Variants in ZC3H7A observed in about 807,000 individuals in gnomAD.
ZC3H7A encodes zinc finger CCCH-type containing 7A.
In ZC3H7A, 44 loss-of-function variants were observed where a neutral mutation model predicts 125.5. That is an observed-to-expected ratio of 0.35 (90% CI 0.28 to 0.45). ZC3H7A has a LOEUF of 0.45. Among genes scored for constraint, ZC3H7A ranks in the 20% least tolerant of loss-of-function variants. ZC3H7A has a pLI of 1.00. For missense variants in ZC3H7A, 977 were observed against 1,170.7 expected, an observed-to-expected ratio of 0.83 and a Z score of 2.41; for synonymous variants, 399 against 391.2, an observed-to-expected ratio of 1.02 and a Z score of -0.23.
At chr16:11,753,504 C>T (rs531254553) in intron 21 of ZC3H7A, among the ~76,000 whole-genome samples, 1 of 152,028 alleles carries the variant, frequency 6.6e-6, no homozygotes, top group Non-Finnish European at 1.5e-5. Flanking sequence ...TATGGTGGTG[C>T]GATCATAGCT....
At position 11,755,497 on chromosome 16, in the gene ZC3H7A, T is replaced by C. The variant is rs147976549; in HGVS notation, c.2562+740A>G. Among the ~76,000 whole-genome samples, 1,520 of 152,190 alleles carry C rather than the reference T, an allele frequency of 1.0e-2. 11 individuals are homozygous for C. Among genetic ancestry groups the C allele is most frequent in the Non-Finnish European group, 0.017 (1,147 of 68,000 alleles). Reference sequence around the variant, plus strand: ...GGTAACTTAATGTCCCCAAGAACCATAGAGGGAGAGGCCAGACTGCAGGCG... The same window carrying C: ...GGTAACTTAATGTCCCCAAGAACCACAGAGGGAGAGGCCAGACTGCAGGCG... On this transcript the variant is annotated intron_variant, in intron 21 of 22. Coordinates refer to ENST00000355758, the MANE Select transcript of ZC3H7A (RefSeq NM_014153.4).
rs1053571278 is a variant in ZC3H7A, at chr16:11,797,250, G to A, written c.-161C>T. On this transcript the variant is annotated 5_prime_UTR_variant, in exon 1 of 23. Coordinates refer to ENST00000355758, the MANE Select transcript of ZC3H7A (RefSeq NM_014153.4). ...TCGCAGCTCTCCCTCGGTTAGCGGC[G>A]GCGGCAGCGGCTCGGTTGCGCCCGC... 1.3e-5 allele frequency: 2 copies of A among 151,058 alleles called. No individual in the cohort carries two copies. Among genetic ancestry groups the A allele is most frequent in the African/African-American group, 2.4e-5 (1 of 41,230 alleles). The allele number at this position is 151,058 out of a possible 1,614,324, so 9.4% of individuals were successfully genotyped here. A position where few individuals can be genotyped will look rare whatever the true frequency, so the allele number is the denominator to read the frequency against.
chr16:11,789,316 T>G (rs2053312546), intron 1 of ZC3H7A, among the ~76,000 whole-genome samples: 1 of 152,018 alleles, frequency 6.6e-6, no homozygotes, highest in Admixed American at 6.6e-5. Context: ...CAGGCTGGAG[T>G]GCAATGGCAC....
Position 11,797,194 on chromosome 16 carries a change from G to A in ZC3H7A, c.-105C>T, listed in dbSNP as rs1360447246. On this transcript the variant is annotated 5_prime_UTR_variant, in exon 1 of 23. Coordinates refer to ENST00000355758, the MANE Select transcript of ZC3H7A (RefSeq NM_014153.4). ...GGGCGGCGGCAGGCGGGCAGCGGTG[G>A]CGGCGGCGGCGGCGGGGCCTGGGTG... 1 of 154,012 alleles carries A rather than the reference G, an allele frequency of 6.5e-6. No homozygotes were observed. Among genetic ancestry groups the A allele is most frequent in the Non-Finnish European group, 1.4e-5 (1 of 71,032 alleles). The allele number at this position is 154,012 out of a possible 1,614,324, so 9.5% of individuals were successfully genotyped here.
At chr16:11,784,250 G>A (rs1327131007) in intron 1 of ZC3H7A, among the ~76,000 whole-genome samples, 1 of 152,112 alleles carries the variant, frequency 6.6e-6, no homozygotes, top group Non-Finnish European at 1.5e-5. Context: ...AGCTGGATGA[G>A]GGGCATGGAA....
chr16:11,760,715 G>A (rs2052739394), intron 19 of ZC3H7A, among the ~76,000 whole-genome samples: 1 of 152,176 alleles, frequency 6.6e-6, no homozygotes. Flanking sequence ...CGTGTGAAGT[G>A]CCTCTAGATG....
At chr16:11,795,615 T>C (rs2053424724) in intron 1 of ZC3H7A, among the ~76,000 whole-genome samples, 1 of 152,060 alleles carries the variant, frequency 6.6e-6, no homozygotes, top group Admixed American at 6.6e-5. Context: ...TTTGTATTTT[T>C]ACTAGAGACG....
chr16:11,763,075 T>G, intron 16 of ZC3H7A: 1 of 279,204 alleles, frequency 3.6e-6, no homozygotes, highest in Admixed American at 4.9e-5. Flanking sequence ...TCACCACATC[T>G]GGTTGATGGA....
chr16:11,775,045 A>AT, intron 7 of ZC3H7A, 32 bp from the exon 8 acceptor site: 11 of 1,611,936 alleles, frequency 6.8e-6, no homozygotes, highest in Non-Finnish European at 9.3e-6. Context: ...GGGTTATAAT[A>AT]TTTTCAGGAC....
intron 9 of ZC3H7A, among the ~76,000 whole-genome samples, chr16:11,773,955 C>T (rs976332741): frequency 4.6e-5 from 7 of 151,844 alleles, no homozygotes; most frequent in Admixed American, 6.6e-5. Flanking sequence ...AAATATCAAA[C>T]GCCTATTTTT....
chr16:11,778,350 T>A (rs897430024), intron 4 of ZC3H7A, among the ~76,000 whole-genome samples: 1 of 146,812 alleles, frequency 6.8e-6, no homozygotes, highest in Non-Finnish European at 1.5e-5. Context: ...GGCAGGAAAA[T>A]TGCTTGAACC....
chr16:11,761,546 A>C, intron 18 of ZC3H7A, 35 bp from the exon 19 acceptor site: 1 of 1,608,290 alleles, frequency 6.2e-7, no homozygotes, highest in Non-Finnish European at 8.5e-7. Context: ...AAACAAAGAC[A>C]CACGAGCAAA....
At chr16:11,785,167 T>C (rs1182077361) in intron 1 of ZC3H7A, among the ~76,000 whole-genome samples, 1 of 150,128 alleles carries the variant, frequency 6.7e-6, no homozygotes, top group Non-Finnish European at 1.5e-5. Flanking sequence ...TCAAAATAAA[T>C]AAATAAACAA....
At chr16:11,782,526 G>A (rs1409452238) in intron 1 of ZC3H7A, 138 bp from the exon 2 acceptor site, 6 of 685,118 alleles carry the variant, frequency 8.8e-6, no homozygotes, top group East Asian at 2.7e-5. Flanking sequence ...GGTCCTGGAC[G>A]GCAGGGACCG....
chr16:11,762,978 G>A lies in ZC3H7A; in HGVS notation c.2003-231C>T. ...TCCCAACAATTGCATGTATCAACTT[G>A]TATCAGTAATTAATGACATGAGAAC... is the stretch of plus-strand genomic sequence containing the variant. On this transcript the variant is annotated intron_variant, in intron 16 of 22. Coordinates refer to ENST00000355758, the MANE Select transcript of ZC3H7A (RefSeq NM_014153.4). 3 of 448,094 alleles carry A rather than the reference G, an allele frequency of 6.7e-6. 1 individual carries two copies. The highest frequency in any genetic ancestry group is 7.2e-5 in the South Asian group (2 of 27,894). 27.8% of individuals were successfully genotyped at this position (448,094 alleles called of 1,614,324 possible).
At chr16:11,766,965 A>G (rs1210043556) in intron 13 of ZC3H7A, among the ~76,000 whole-genome samples, 2 of 152,222 alleles carry the variant, frequency 1.3e-5, no homozygotes, top group Non-Finnish European at 2.9e-5. Flanking sequence ...TATTAGCTCT[A>G]AACATTTTTT....
chr16:11,767,523 T>G lies in ZC3H7A; in HGVS notation c.1416A>C (p.Lys472Asn). Residue 472 changes from lysine (K) to asparagine (N), a missense_variant, in exon 13 of 23, where the codon AAA becomes AAC. Physicochemically the swap from Lys to Asn is moderately conservative, Grantham distance 94. Around this residue, in one of 3 missense-constraint regions of ZC3H7A, gnomAD observed 342 missense variants for 311.3 expected, o/e 1.10. Coordinates refer to ENST00000355758, the MANE Select transcript of ZC3H7A (RefSeq NM_014153.4). ...YHANIDHKCK[K>N]DILIGRIKNV... ...TCTTTATCCTACCGATTAAAATATC[T>G]TTCTTACACTTATGATCTATGTTAG... The G allele has an allele frequency of 6.2e-7, 1 of 1,612,378 alleles. No homozygotes were observed. Among genetic ancestry groups the G allele is most frequent in the Non-Finnish European group, 8.5e-7 (1 of 1,179,182 alleles).
chr16:11,788,976 C>T (rs1341417732), intron 1 of ZC3H7A, among the ~76,000 whole-genome samples: 1 of 152,110 alleles, frequency 6.6e-6, no homozygotes, highest in African/African-American at 2.4e-5. Context: ...TGAATTTATG[C>T]ATGGGATAAA....
rs764279303 is a variant in ZC3H7A, at chr16:11,761,884, G to A, written c.2213+26C>T. 2.5e-6 allele frequency: 4 copies of A among 1,603,856 alleles called. No individual in the cohort carries two copies. In the Admixed American group the frequency reaches 7.0e-5, roughly 28 times the overall value. On this transcript the variant is annotated intron_variant, in intron 18 of 22. Coordinates refer to ENST00000355758, the MANE Select transcript of ZC3H7A (RefSeq NM_014153.4). ...TACGAAACAGAAAATTACAAAATAG[G>A]AATTGTTTCCACACACAATACTTAC...
Sources: allele counts gnomAD v4.1 joint callset (sites outside exome capture counted in the v4.1 genomes callset), GRCh38; gene constraint gnomAD v4.1.1; regional missense constraint gnomAD v4.1.1; transcripts MANE v1.5; gene names NCBI Gene and HGNC (gene_info 2026-07-23, HGNC 2026-07-21).